PRKCE: variants seen among roughly 807,000 people sequenced by gnomAD.
The protein encoded by PRKCE is protein kinase C epsilon type.
A neutral mutation model predicts 85.4 loss-of-function variants in PRKCE; 16 were observed. The ratio of observed to expected loss-of-function variants is 0.19; its 90% CI spans 0.13 to 0.28. PRKCE has a LOEUF of 0.28. Among genes scored for constraint, PRKCE ranks in the 10% least tolerant of loss-of-function variants. PRKCE has a pLI of 1.00. For synonymous variants in PRKCE, 388 were observed against 371.5 expected, an observed-to-expected ratio of 1.04 and a Z score of -0.51; for missense variants, 573 against 975.2, an observed-to-expected ratio of 0.59 and a Z score of 5.49.
At chr2:46,085,691 C>T (rs1669536052) in intron 10 of PRKCE, among the ~76,000 whole-genome samples, 2 of 139,580 alleles carry the variant, frequency 1.4e-5, no homozygotes, top group South Asian at 2.6e-4. Flanking sequence ...TCCAGGATAA[C>T]CTCCCTATCT....
chr2:46,074,700 G>C (rs1183953451), intron 10 of PRKCE, among the ~76,000 whole-genome samples: 4 of 152,192 alleles, frequency 2.6e-5, no homozygotes, highest in Non-Finnish European at 5.9e-5. Flanking sequence ...GGCTGCGTAG[G>C]TTCTGTGTGA....
intron 2 of PRKCE, among the ~76,000 whole-genome samples, chr2:45,945,548 A>G (rs1700185682): frequency 6.6e-6 from 1 of 152,214 alleles, no homozygotes. Context: ...TGGAGAGGAC[A>G]AACGTCGAAA....
intron 1 of PRKCE, among the ~76,000 whole-genome samples, chr2:45,793,896 ATT>A (rs915645890): frequency 1.3e-5 from 2 of 149,750 alleles, no homozygotes; most frequent in African/African-American, 4.9e-5. Flanking sequence ...GAGTGTTCAC[ATT>A]TTTTTTTTCT....
At chr2:45,818,859 G>A (rs894592193) in intron 1 of PRKCE, among the ~76,000 whole-genome samples, 32 of 152,204 alleles carry the variant, frequency 2.1e-4, no homozygotes, top group Non-Finnish European at 1.0e-4. Flanking sequence ...GCCACCGAGT[G>A]TATCTAATAG....
At chr2:46,035,562 C>A (rs1707805859) in intron 10 of PRKCE, among the ~76,000 whole-genome samples, 2 of 152,116 alleles carry the variant, frequency 1.3e-5, no homozygotes, top group Admixed American at 1.3e-4. Context: ...AATGAAAAAC[C>A]ATTAGAGGTC....
At chr2:45,941,922 C>T (rs1699904608) in intron 2 of PRKCE, among the ~76,000 whole-genome samples, 1 of 152,152 alleles carries the variant, frequency 6.6e-6, no homozygotes. Context: ...TTTACCTCTT[C>T]TACCCTGATT....
At chr2:45,990,320 G>C (rs934996860) in intron 6 of PRKCE, among the ~76,000 whole-genome samples, 1 of 152,240 alleles carries the variant, frequency 6.6e-6, no homozygotes, top group African/African-American at 2.4e-5. Context: ...AGTGAGAAAA[G>C]ATGCCCCAGA....
At chr2:45,779,077 T>A (rs943400973) in intron 1 of PRKCE, among the ~76,000 whole-genome samples, 15 of 152,320 alleles carry the variant, frequency 9.8e-5, no homozygotes, top group Admixed American at 8.5e-4. Flanking sequence ...GGATTCCCGT[T>A]TTATACGTGA....
At chr2:46,162,931 G>A (rs569160236) in intron 14 of PRKCE, among the ~76,000 whole-genome samples, 50 of 152,324 alleles carry the variant, frequency 3.3e-4, no homozygotes, top group African/African-American at 9.4e-4. Flanking sequence ...CGAGTCATCC[G>A]TGGGCTTGTG....
intron 10 of PRKCE, among the ~76,000 whole-genome samples, chr2:46,058,620 C>G (rs532301568): frequency 6.6e-6 from 1 of 152,286 alleles, no homozygotes; most frequent in East Asian, 1.9e-4. Context: ...TCGGACTACT[C>G]ACCATCAAGA....
chr2:46,014,137 C>T (rs943256347), intron 10 of PRKCE, among the ~76,000 whole-genome samples: 1 of 152,160 alleles, frequency 6.6e-6, no homozygotes, highest in African/African-American at 2.4e-5. Flanking sequence ...TCCAGCTTTC[C>T]AGGGCTAGTG....
chr2:45,757,208 T>C (rs558514430), intron 1 of PRKCE, among the ~76,000 whole-genome samples: 30 of 145,642 alleles, frequency 2.1e-4, no homozygotes, highest in African/African-American at 7.4e-4. Flanking sequence ...CTTGGGAGGC[T>C]GAGGCAGGAG....
intron 1 of PRKCE, among the ~76,000 whole-genome samples, chr2:45,656,195 C>T (rs970612661): frequency 6.6e-6 from 1 of 152,090 alleles, no homozygotes; most frequent in Non-Finnish European, 1.5e-5. Context: ...TTTCTTAAGC[C>T]CCACTATTCA....
At chr2:46,034,180 C>G (rs933858582) in intron 10 of PRKCE, among the ~76,000 whole-genome samples, 3 of 152,208 alleles carry the variant, frequency 2.0e-5, no homozygotes, top group Admixed American at 6.5e-5. Context: ...GAGTCCAAAC[C>G]TGAGTACTTA....
At chr2:46,176,182 G>A (rs1316246893) in intron 14 of PRKCE, among the ~76,000 whole-genome samples, 2 of 152,184 alleles carry the variant, frequency 1.3e-5, no homozygotes, top group African/African-American at 4.8e-5. Context: ...AAACCACTAA[G>A]AGGAAATTGA....
intron 1 of PRKCE, among the ~76,000 whole-genome samples, chr2:45,669,781 T>A (rs771203855): frequency 4.6e-5 from 7 of 152,032 alleles, no homozygotes; most frequent in Non-Finnish European, 1.0e-4. Context: ...GAGGCCAAGG[T>A]GGGCGTATCA....
At chr2:45,721,052 A>G (rs564562697) in intron 1 of PRKCE, among the ~76,000 whole-genome samples, 1 of 152,196 alleles carries the variant, frequency 6.6e-6, no homozygotes, top group African/African-American at 2.4e-5. Flanking sequence ...GGTTGCAGTG[A>G]GCTGAGATTG....
chr2:45,842,837 C>T (rs557970976), intron 1 of PRKCE, among the ~76,000 whole-genome samples, 163 bp from the exon 2 acceptor site: 3 of 152,332 alleles, frequency 2.0e-5, no homozygotes, highest in African/African-American at 7.2e-5. Context: ...ATGCATCAGT[C>T]CTCCCAGGTC....
intron 1 of PRKCE, among the ~76,000 whole-genome samples, chr2:45,702,175 C>T (rs561747039): frequency 1.8e-4 from 28 of 152,048 alleles, no homozygotes; most frequent in East Asian, 9.6e-4. Flanking sequence ...GGTGACAGAG[C>T]GAGACTGTCT....
Sources: allele counts gnomAD v4.1 joint callset (sites outside exome capture counted in the v4.1 genomes callset), GRCh38; gene constraint gnomAD v4.1.1; transcripts MANE v1.5; gene names NCBI Gene and HGNC (gene_info 2026-07-23, HGNC 2026-07-21).